The following MYO1D variants were observed in gnomAD, a reference collection of about 807,000 sequenced individuals.
MYO1D encodes unconventional myosin-Id.
A neutral mutation model predicts 122.0 loss-of-function variants in MYO1D; 83 were observed. The ratio of observed to expected loss-of-function variants is 0.68; its 90% CI spans 0.57 to 0.82. The LOEUF (loss-of-function observed/expected upper bound fraction) is 0.82, where lower values mean the gene tolerates loss of function less well. Among genes scored for constraint, MYO1D ranks in the 40% least tolerant of loss-of-function variants. MYO1D has a pLI of 0.00. For synonymous variants in MYO1D, 464 were observed against 446.9 expected, an observed-to-expected ratio of 1.04 and a Z score of -0.48; for missense variants, 1,157 against 1,269.5, an observed-to-expected ratio of 0.91 and a Z score of 1.35.
chr17:32,753,675 G>A (rs780246819), intron 11 of MYO1D, among the ~76,000 whole-genome samples: 2 of 152,154 alleles, frequency 1.3e-5, no homozygotes, highest in Non-Finnish European at 1.5e-5. Context: ...CATGTGGGCA[G>A]ATGAACTGAG....
intron 10 of MYO1D, among the ~76,000 whole-genome samples, chr17:32,756,842 G>A (rs2089951665): frequency 6.6e-6 from 1 of 152,062 alleles, no homozygotes; most frequent in Non-Finnish European, 1.5e-5. Flanking sequence ...TGGCTTTTCA[G>A]CAACTATACA....
chr17:32,570,477 G>A (rs1314454909), intron 21 of MYO1D, among the ~76,000 whole-genome samples: 1 of 151,770 alleles, frequency 6.6e-6, no homozygotes, highest in Non-Finnish European at 1.5e-5. Context: ...CCATTCTCCT[G>A]CCTCAGCCTC....
rs376491295 is a variant in MYO1D at position 32,683,426 on chromosome 17, C to T, written c.2122-24088G>A. Among the ~76,000 whole-genome samples the T allele has an allele frequency of 1.8e-4, 27 of 152,250 alleles. 1 individual carries two copies. The Middle Eastern group carries it at 0.014, about 77-fold the overall frequency. Reference sequence around the variant, plus strand: ...TGATGGTGATGTACAGATGGGTTTTCGGTGTGGATGTCCTTTCTGTTTGTT... The same window carrying T: ...TGATGGTGATGTACAGATGGGTTTTTGGTGTGGATGTCCTTTCTGTTTGTT... On this transcript the variant is annotated intron_variant, in intron 16 of 21. Transcript: ENST00000318217.
chr17:32,820,186 G>C (rs1268277880), intron 1 of MYO1D, among the ~76,000 whole-genome samples: 2 of 152,164 alleles, frequency 1.3e-5, no homozygotes, highest in Non-Finnish European at 2.9e-5. Context: ...AACTGGTACA[G>C]CCATTATGGA....
At chr17:32,629,228 A>C (rs1431665596) in intron 20 of MYO1D, among the ~76,000 whole-genome samples, 1 of 152,162 alleles carries the variant, frequency 6.6e-6, no homozygotes, top group Admixed American at 6.6e-5. Flanking sequence ...GGAAAGAGGG[A>C]AAGGAATGAA....
At chr17:32,651,499 C>T (rs1302716304) in intron 19 of MYO1D, among the ~76,000 whole-genome samples, 1 of 152,144 alleles carries the variant, frequency 6.6e-6, no homozygotes, top group African/African-American at 2.4e-5. Context: ...CACTGCTCAT[C>T]CTGGGACTGG....
At chr17:32,706,181 C>G (rs2089306420) in intron 16 of MYO1D, among the ~76,000 whole-genome samples, 2 of 152,128 alleles carry the variant, frequency 1.3e-5, no homozygotes, top group South Asian at 4.1e-4. Context: ...AATCTCAGGT[C>G]ACTGCAACTT....
intron 14 of MYO1D, among the ~76,000 whole-genome samples, chr17:32,723,574 T>C (rs972983603): frequency 7.2e-5 from 11 of 152,296 alleles, no homozygotes; most frequent in Admixed American, 5.9e-4. Flanking sequence ...TGACATGCTT[T>C]AACCAGTAGA....
chr17:32,780,153 C>G (rs993011804), intron 2 of MYO1D, among the ~76,000 whole-genome samples: 1 of 152,130 alleles, frequency 6.6e-6, no homozygotes, highest in Non-Finnish European at 1.5e-5. Context: ...TTGGCCCCCA[C>G]GCCTCAGTAG....
chr17:32,633,753 G>T (rs1006887824), intron 20 of MYO1D, among the ~76,000 whole-genome samples: 2 of 151,274 alleles, frequency 1.3e-5, no homozygotes, highest in African/African-American at 4.9e-5. Flanking sequence ...TGTTCCTTCT[G>T]TCTAAAATAC....
intron 16 of MYO1D, among the ~76,000 whole-genome samples, chr17:32,710,751 C>T (rs754271320): frequency 6.6e-6 from 1 of 151,890 alleles, no homozygotes; most frequent in East Asian, 1.9e-4. Context: ...AGTACCAGCT[C>T]GAGTAGAAAA....
intron 21 of MYO1D, among the ~76,000 whole-genome samples, chr17:32,520,925 A>C (rs1402817055): frequency 1.3e-5 from 2 of 152,218 alleles, no homozygotes; most frequent in African/African-American, 4.8e-5. Flanking sequence ...GGTATTGGGA[A>C]TGGCAGGGGG....
intron 21 of MYO1D, among the ~76,000 whole-genome samples, chr17:32,524,665 C>T (rs187866226): frequency 3.9e-4 from 59 of 150,616 alleles, no homozygotes; most frequent in African/African-American, 1.3e-3. Context: ...TGGGTTCAAG[C>T]GATTCTCCTG....
chr17:32,569,377 C>T (rs1423463361), intron 21 of MYO1D, among the ~76,000 whole-genome samples: 5 of 152,236 alleles, frequency 3.3e-5, no homozygotes, highest in Non-Finnish European at 7.3e-5. Context: ...CCCAAGGACA[C>T]ACAGGCCTCT....
intron 20 of MYO1D, among the ~76,000 whole-genome samples, chr17:32,633,427 G>A (rs772714482): frequency 2.6e-5 from 4 of 152,128 alleles, no homozygotes; most frequent in Admixed American, 6.5e-5. Context: ...CTCTCTTTAA[G>A]TACACTGAAA....
chr17:32,819,663 TTC>T (rs1463887593), intron 1 of MYO1D, among the ~76,000 whole-genome samples: 3 of 152,226 alleles, frequency 2.0e-5, no homozygotes, highest in Non-Finnish European at 2.9e-5. Flanking sequence ...TACCTTTAGT[TTC>T]TACTAGTAAC....
intron 1 of MYO1D, among the ~76,000 whole-genome samples, chr17:32,871,397 T>C (rs997626016): frequency 2.6e-5 from 4 of 151,946 alleles, no homozygotes; most frequent in Non-Finnish European, 4.4e-5. Flanking sequence ...AGGCTGAAAA[T>C]CCCAGGTCTA....
intron 21 of MYO1D, among the ~76,000 whole-genome samples, chr17:32,579,182 T>C (rs2087305697): frequency 6.6e-6 from 1 of 152,166 alleles, no homozygotes; most frequent in African/African-American, 2.4e-5. Context: ...AATCCTTCCC[T>C]GCCTCAGCCT....
At chr17:32,792,631 CTTTAT>C (rs1200060916) in intron 1 of MYO1D, 2 of 152,092 alleles carry the variant, frequency 1.3e-5, no homozygotes, top group Non-Finnish European at 2.9e-5. Flanking sequence ...AGAGTAGGAG[CTTTAT>C]TTTATTTTTG....
Sources: gnomAD v4.1 joint callset for allele counts (sites outside exome capture counted in the v4.1 genomes callset) on GRCh38, gnomAD v4.1.1 for gene constraint, MANE v1.5 for transcripts, NCBI Gene and HGNC (gene_info 2026-07-23, HGNC 2026-07-21) for gene names.